The following ATP10A variants were observed in gnomAD, a reference collection of about 807,000 sequenced individuals.
The protein encoded by ATP10A is phospholipid-transporting ATPase VA.
A neutral mutation model predicts 147.8 loss-of-function variants in ATP10A; 111 were observed. The observed-to-expected ratio is 0.75, with a 90% CI of 0.64 to 0.88. The LOEUF (loss-of-function observed/expected upper bound fraction) is 0.88, where lower values mean the gene tolerates loss of function less well. ATP10A is among the 40% of genes least tolerant of loss of function. The pLI, the probability that ATP10A is intolerant of heterozygous loss-of-function variation, is 0.00. For missense variants in ATP10A, 1,927 were observed against 1,959.0 expected (o/e 0.98, Z 0.31); for synonymous variants, 875 against 841.6 (o/e 1.04, Z -0.69).
intron 2 of ATP10A, among the ~76,000 whole-genome samples, chr15:25,750,704 TATGATGATGATGATG>T (rs56087263): frequency 4.4e-4 from 66 of 150,916 alleles, no homozygotes; most frequent in South Asian, 6.3e-4. Flanking sequence ...AACATATATA[TATGATGATGATGATG>T]ATGATGATGA....
At chr15:25,683,684 T>A (rs1414270062) in intron 16 of ATP10A, 198 bp from the exon 17 acceptor site, 2 of 592,852 alleles carry the variant, frequency 3.4e-6, no homozygotes, top group African/African-American at 3.7e-5. Context: ...CCCTTCGCCC[T>A]CCTCACTCCC....
chr15:25,775,613 C>CA (rs1889566668), intron 2 of ATP10A, among the ~76,000 whole-genome samples: 2 of 152,364 alleles, frequency 1.3e-5, no homozygotes, highest in South Asian at 4.1e-4. Context: ...CATGTGCACA[C>CA]GCCTGGGAAG....
intron 1 of ATP10A, among the ~76,000 whole-genome samples, chr15:25,834,679 G>C (rs1447459912): frequency 6.6e-6 from 1 of 152,216 alleles, no homozygotes; most frequent in Non-Finnish European, 1.5e-5. Context: ...GTTCACAGCA[G>C]CATTATTCAT....
At chr15:25,714,267 G>A in intron 9 of ATP10A, 26 bp from the exon 10 acceptor site, 1 of 1,596,542 alleles carries the variant, frequency 6.3e-7, no homozygotes, top group Non-Finnish European at 8.5e-7. Flanking sequence ...TCAGAAGGCA[G>A]GTGAGGGAAC....
At chr15:25,768,538 CTCTTTT>C (rs1413458755) in intron 2 of ATP10A, among the ~76,000 whole-genome samples, 1 of 98,830 alleles carries the variant, frequency 1.0e-5, no homozygotes, top group Admixed American at 1.3e-4. Context: ...AGCTCTCTCT[CTCTTTT>C]TTTTTTTTTT....
intron 14 of ATP10A, among the ~76,000 whole-genome samples, chr15:25,694,162 G>A (rs1022705893): frequency 7.2e-5 from 11 of 152,198 alleles, no homozygotes; most frequent in African/African-American, 2.4e-4. Context: ...GGAAGGAGGC[G>A]AGTGGCCACC....
upstream of ATP10A, among the ~76,000 whole-genome samples, chr15:25,864,477 C>G (rs1893906906): frequency 6.6e-6 from 1 of 152,164 alleles, no homozygotes; most frequent in Non-Finnish European, 1.5e-5. Flanking sequence ...CGCCAGGACC[C>G]TGGCTTGGGG....
intron 1 of ATP10A, chr15:25,841,897 G>A (rs1184336119): frequency 6.6e-6 from 1 of 152,130 alleles, no homozygotes; most frequent in Non-Finnish European, 1.5e-5. Flanking sequence ...TCATAGCCAC[G>A]GATCTTGTAT....
intron 1 of ATP10A, among the ~76,000 whole-genome samples, chr15:25,797,564 C>G (rs1053897527): frequency 2.0e-5 from 3 of 152,152 alleles, no homozygotes; most frequent in African/African-American, 7.2e-5. Flanking sequence ...TCTCTACATA[C>G]GGAGACATGA....
chr15:25,767,541 A>T (rs2140651045), intron 2 of ATP10A, among the ~76,000 whole-genome samples: 1 of 152,276 alleles, frequency 6.6e-6, no homozygotes, highest in Non-Finnish European at 1.5e-5. Flanking sequence ...GGATCCCTTT[A>T]TTTGTAAAAT....
At chr15:25,778,351 AT>A (rs1889729439) in intron 2 of ATP10A, among the ~76,000 whole-genome samples, 2 of 152,154 alleles carry the variant, frequency 1.3e-5, no homozygotes, top group South Asian at 4.1e-4. Context: ...TGTTCTTGGC[AT>A]TTGTGGTTTT....
intron 1 of ATP10A, among the ~76,000 whole-genome samples, chr15:25,804,751 T>G (rs948805264): frequency 1.3e-5 from 2 of 152,192 alleles, no homozygotes; most frequent in African/African-American, 4.8e-5. Context: ...AGCACAGTCT[T>G]TAAGAATCGA....
intron 2 of ATP10A, among the ~76,000 whole-genome samples, chr15:25,737,921 G>A (rs999094057): frequency 6.6e-6 from 1 of 152,124 alleles, no homozygotes; most frequent in Non-Finnish European, 1.5e-5. Flanking sequence ...AAACCATCCT[G>A]CTGACCCCTT....
At chr15:25,733,302 C>T (rs1202285951) in intron 3 of ATP10A, among the ~76,000 whole-genome samples, 1 of 152,140 alleles carries the variant, frequency 6.6e-6, no homozygotes, top group Non-Finnish European at 1.5e-5. Flanking sequence ...TAGCTCCCTG[C>T]CCTGGGCATC....
chr15:25,767,037 G>C (rs957044420), intron 2 of ATP10A, among the ~76,000 whole-genome samples: 2 of 152,108 alleles, frequency 1.3e-5, no homozygotes, highest in Non-Finnish European at 2.9e-5. Flanking sequence ...GAAGAGGGCT[G>C]CTCCGCTACG....
intron 7 of ATP10A, among the ~76,000 whole-genome samples, chr15:25,720,846 C>T (rs1415582170): frequency 6.6e-6 from 1 of 152,200 alleles, no homozygotes; most frequent in African/African-American, 2.4e-5. Flanking sequence ...CAGATGCTTC[C>T]CACCAAATCC....
chr15:25,825,070 C>T (rs1040805893), intron 1 of ATP10A, among the ~76,000 whole-genome samples: 16 of 152,152 alleles, frequency 1.1e-4, no homozygotes, highest in African/African-American at 3.6e-4. Context: ...GGGCAAAATT[C>T]GAGGTTGGAG....
chr15:25,723,397 G>A (rs1260998028), intron 6 of ATP10A, among the ~76,000 whole-genome samples: 2 of 151,664 alleles, frequency 1.3e-5, no homozygotes, highest in African/African-American at 4.8e-5. Context: ...ACTAAAGTTG[G>A]CTTCTTAGTT....
intron 1 of ATP10A, among the ~76,000 whole-genome samples, chr15:25,857,342 G>A (rs530093231): frequency 1.1e-3 from 168 of 152,246 alleles, no homozygotes; most frequent in African/African-American, 3.6e-3. Context: ...AGCTACTCAG[G>A]AGGCTGAGGC....
Sources: gnomAD v4.1 joint callset for allele counts (sites outside exome capture counted in the v4.1 genomes callset) on GRCh38, gnomAD v4.1.1 for gene constraint, MANE v1.5 for transcripts, NCBI Gene and HGNC (gene_info 2026-07-23, HGNC 2026-07-21) for gene names.